MYO5B: variants seen among roughly 807,000 people sequenced by gnomAD.
MYO5B encodes the protein unconventional myosin-Vb.
Under a neutral mutation model 229.3 loss-of-function variants are expected in MYO5B, and 143 were observed. That is an observed-to-expected ratio of 0.62 (90% CI 0.54 to 0.72). The LOEUF (loss-of-function observed/expected upper bound fraction) is 0.72, where lower values mean the gene tolerates loss of function less well. MYO5B is among the 30% of genes least tolerant of loss of function. The probability of loss-of-function intolerance (pLI) is 0.00; values close to 1 mark genes in which losing one functional copy is unlikely to be tolerated. For missense variants in MYO5B, 2,321 were observed against 2,331.0 expected (o/e 1.00, Z 0.09); for synonymous variants, 918 against 885.2 (o/e 1.04, Z -0.66).
intron 1 of MYO5B, among the ~76,000 whole-genome samples, chr18:50,125,975 C>G (rs1172187089): frequency 6.6e-6 from 1 of 152,108 alleles, no homozygotes; most frequent in African/African-American, 2.4e-5. Context: ...AGAAAGTAGA[C>G]TGGTGGGTGC....
Position 49,863,322 on chromosome 18 carries a change from C to T in MYO5B, c.3849G>A (p.Pro1283=), listed in dbSNP as rs758193258. The T allele has an allele frequency of 2.4e-5, 38 of 1,613,506 alleles. No homozygotes were observed. The highest frequency in any genetic ancestry group is 4.5e-5 in the East Asian group (2 of 44,898). ...GCCAACTTGATCTGGCATTAATGTT[C>T]GGCTCCTAGAAAGCCCCAGATAAAA... ...QRRLAGRNAE[P]NINARSSWPN... Residue 1283 remains proline, a synonymous_variant, in exon 29 of 40, where the codon CCG becomes CCA. Transcript: ENST00000285039.
chr18:50,131,674 TG>T (rs142313532), intron 1 of MYO5B, among the ~76,000 whole-genome samples: 69 of 152,298 alleles, frequency 4.5e-4, no homozygotes, highest in African/African-American at 1.5e-3. Flanking sequence ...CAAAAACCTA[TG>T]GGGGCAACAG....
chr18:50,064,317 T>C (rs1453279104), intron 1 of MYO5B: 1 of 152,362 alleles, frequency 6.6e-6, no homozygotes, highest in Non-Finnish European at 1.5e-5. Context: ...AAGGCTGCAA[T>C]GCTGAATCCA....
At chr18:50,124,213 G>C (rs1043738524) in intron 1 of MYO5B, among the ~76,000 whole-genome samples, 8 of 152,222 alleles carry the variant, frequency 5.3e-5, no homozygotes, top group African/African-American at 1.9e-4. Flanking sequence ...TCTTGACAGT[G>C]CAGAGAGGTT....
In MYO5B at chr18:49,942,380, C is replaced by CAAAA. The variant is rs753691754; in HGVS notation, c.1753-4987_1753-4984dup. Among the ~76,000 whole-genome samples the CAAAA allele has an allele frequency of 4.3e-3, 141 of 32,530 alleles. 1 individual carries two copies. The highest frequency in any genetic ancestry group is 6.1e-3 in the African/African-American group (47 of 7,656). The allele number at this position is 32,530 out of a possible 152,430, so 21.3% of individuals were successfully genotyped here. A position where few individuals can be genotyped will look rare whatever the true frequency, so the allele number is the denominator to read the frequency against. On this transcript the variant is annotated intron_variant, in intron 14 of 39. Coordinates refer to ENST00000285039, the MANE Select transcript of MYO5B (RefSeq NM_001080467.3). ...ATTAAACTAAAGAGCTTCTGCACAGCAAAAAAAAAAAAAAAAAAAAAAAAA... is the reference window on the plus strand; with the variant it reads ...ATTAAACTAAAGAGCTTCTGCACAGCAAAAAAAAAAAAAAAAAAAAAAAAAAAAA...
intron 1 of MYO5B, among the ~76,000 whole-genome samples, chr18:50,068,603 C>T (rs1468387649): frequency 6.6e-6 from 1 of 152,184 alleles, no homozygotes; most frequent in Non-Finnish European, 1.5e-5. Context: ...TGGTTCTGGA[C>T]ACAGACCACG....
At chr18:50,007,838 G>C (rs756347353) in intron 4 of MYO5B, among the ~76,000 whole-genome samples, 1 of 152,150 alleles carries the variant, frequency 6.6e-6, no homozygotes, top group Non-Finnish European at 1.5e-5. Context: ...GAGACTCTTA[G>C]TATATAGACT....
rs553959576 is a variant in MYO5B, at chr18:50,132,681, G to A, written c.27+62086C>T. 2.1e-4 allele frequency among the ~76,000 whole-genome samples: 32 copies of A among 152,302 alleles called. 1 individual carries two copies. The South Asian group carries it at 6.7e-3, about 32-fold the overall frequency. ...GGTTGCCTGCTCAGAATTAGCCCAGGAATAGATTATGGTGGTTGCCACTAA... is the reference window on the plus strand; with the variant it reads ...GGTTGCCTGCTCAGAATTAGCCCAGAAATAGATTATGGTGGTTGCCACTAA... On this transcript the variant is annotated intron_variant, in intron 1 of 39. Transcript: ENST00000285039.
intron 1 of MYO5B, 118 bp downstream of exon 1, chr18:50,194,649 G>A (rs2033275765): frequency 7.4e-6 from 5 of 676,110 alleles, no homozygotes; most frequent in East Asian, 3.3e-5. Flanking sequence ...ACACCGCGGA[G>A]GGGGGTCTCC....
chr18:49,862,066 C>T (rs1279460630), intron 29 of MYO5B, among the ~76,000 whole-genome samples: 17 of 146,778 alleles, frequency 1.2e-4, no homozygotes, highest in African/African-American at 4.3e-4. Context: ...GGCATGATCT[C>T]GGCTCATTGC....
At chr18:50,143,534 T>C (rs1025783439) in intron 1 of MYO5B, among the ~76,000 whole-genome samples, 17 of 152,140 alleles carry the variant, frequency 1.1e-4, no homozygotes, top group Admixed American at 2.6e-4. Context: ...GGTTGATCTG[T>C]ATGGGTCTAA....
chr18:50,060,772 A>T (rs1388389434), intron 1 of MYO5B, among the ~76,000 whole-genome samples: 1 of 152,204 alleles, frequency 6.6e-6, no homozygotes, highest in African/African-American at 2.4e-5. Context: ...CAAGAGCCTG[A>T]ATCCTGACTA....
At chr18:49,944,526 G>A (rs1219248510) in intron 14 of MYO5B, among the ~76,000 whole-genome samples, 2 of 152,084 alleles carry the variant, frequency 1.3e-5, no homozygotes, top group Admixed American at 6.6e-5. Flanking sequence ...AGGGCATGGG[G>A]CTGGGTCAGG....
At position 49,858,931 on chromosome 18, in the gene MYO5B, G is replaced by A. The variant is rs554054366; in HGVS notation, c.3945-2041C>T. Reference sequence around the variant, plus strand: ...CAGGGAGGGAGCGCCACCTCCTGGTGGGAAAAGAAAAAGCCCAAACTACTT... The same window carrying A: ...CAGGGAGGGAGCGCCACCTCCTGGTAGGAAAAGAAAAAGCCCAAACTACTT... On this transcript the variant is annotated intron_variant, in intron 29 of 39. Transcript: ENST00000285039. Among the ~76,000 whole-genome samples, 15 of 152,312 alleles carry A rather than the reference G, an allele frequency of 9.8e-5. No homozygotes were observed. In the South Asian group the frequency reaches 2.7e-3, roughly 27 times the overall value.
intron 1 of MYO5B, among the ~76,000 whole-genome samples, chr18:50,192,118 G>C (rs974649116): frequency 6.6e-6 from 1 of 152,100 alleles, no homozygotes; most frequent in Non-Finnish European, 1.5e-5. Context: ...TAATTGAAGA[G>C]GGCTGACAAT....
intron 1 of MYO5B, among the ~76,000 whole-genome samples, chr18:50,184,211 C>T (rs1198327389): frequency 1.3e-5 from 2 of 152,114 alleles, no homozygotes; most frequent in Non-Finnish European, 2.9e-5. Flanking sequence ...ACATTTGGGA[C>T]AGAATTTTAA....
intron 1 of MYO5B, among the ~76,000 whole-genome samples, chr18:50,076,437 C>T (rs567117899): frequency 4.9e-4 from 74 of 152,256 alleles, no homozygotes; most frequent in Middle Eastern, 3.4e-3. Flanking sequence ...AAAGGCGTGG[C>T]AGGAGGAGGG....
intron 7 of MYO5B, among the ~76,000 whole-genome samples, chr18:49,985,649 T>C (rs2025862587): frequency 6.6e-6 from 1 of 152,234 alleles, no homozygotes; most frequent in African/African-American, 2.4e-5. Flanking sequence ...ATGGTGATCC[T>C]GCCTGGTACT....
At chr18:50,033,429 T>C (rs574716384) in intron 4 of MYO5B, among the ~76,000 whole-genome samples, 3 of 152,350 alleles carry the variant, frequency 2.0e-5, no homozygotes, top group African/African-American at 7.2e-5. Context: ...TTATACTTCC[T>C]GCAATTATAG....
Sources: gnomAD v4.1 joint callset for allele counts (sites outside exome capture counted in the v4.1 genomes callset) on GRCh38, gnomAD v4.1.1 for gene constraint, MANE v1.5 for transcripts, NCBI Gene and HGNC (gene_info 2026-07-23, HGNC 2026-07-21) for gene names.